The following CNTNAP3B variants were observed in gnomAD, a reference collection of about 807,000 sequenced individuals.
CNTNAP3B encodes the protein contactin associated protein family member 3B, also known as contactin-associated protein-like 3B.
Under a neutral mutation model 108.9 loss-of-function variants are expected in CNTNAP3B, and 25 were observed. The observed-to-expected ratio is 0.23, with a 90% confidence interval of 0.17 to 0.32. CNTNAP3B has a LOEUF of 0.32. Ranked by LOEUF, CNTNAP3B falls within the 10% of genes least tolerant of loss-of-function variation. CNTNAP3B has a pLI of 1.00. For synonymous variants in CNTNAP3B, 103 were observed against 473.4 expected (o/e 0.22, Z 10.16); for missense variants, 252 against 1,210.4 (o/e 0.21, Z 11.75).
In CNTNAP3B at chr9:42,129,132, C is replaced by G; in HGVS notation, c.-38G>C. 6.5e-7 allele frequency: 1 copy of G among 1,529,056 alleles called. No homozygotes were observed. The highest frequency in any genetic ancestry group is 1.6e-5 in the African/African-American group (1 of 63,866). 94.7% of individuals were successfully genotyped at this position (1,529,056 alleles called of 1,614,324 possible). A position where few individuals can be genotyped will look rare whatever the true frequency, so the allele number is the denominator to read the frequency against. ...CAGGCGCCCTGAGACCCGGGCACGGCGACGGCCGCTCTGCGTCGTTCCTGC... is the reference window on the plus strand; with the variant it reads ...CAGGCGCCCTGAGACCCGGGCACGGGGACGGCCGCTCTGCGTCGTTCCTGC... On this transcript the variant is annotated 5_prime_UTR_variant, in exon 1 of 24. Coordinates refer to ENST00000377561, the MANE Select transcript of CNTNAP3B (RefSeq NM_001201380.3).
At chr9:42,038,605 T>A (rs1826682116) in intron 3 of CNTNAP3B, among the ~76,000 whole-genome samples, 2 of 119,876 alleles carry the variant, frequency 1.7e-5, no homozygotes, top group South Asian at 5.4e-4. Flanking sequence ...ATGCACCCAA[T>A]ACAGGAGCAC....
At chr9:42,030,711 C>A (rs1354350347) in intron 3 of CNTNAP3B, among the ~76,000 whole-genome samples, 1 of 92,822 alleles carries the variant, frequency 1.1e-5, no homozygotes, top group Non-Finnish European at 2.1e-5. Flanking sequence ...CCACCTGCAG[C>A]TGTCTCTCCT....
intron 3 of CNTNAP3B, among the ~76,000 whole-genome samples, chr9:42,058,085 ACAC>A (rs1409322903): frequency 3.5e-5 from 5 of 141,748 alleles, no homozygotes; most frequent in South Asian, 4.7e-4. Flanking sequence ...TTGTGTATGT[ACAC>A]CACATTTTCT....
At chr9:41,932,712 G>A (rs1484307662) in intron 14 of CNTNAP3B, among the ~76,000 whole-genome samples, 8 of 151,900 alleles carry the variant, frequency 5.3e-5, no homozygotes, top group Non-Finnish European at 1.2e-4. Flanking sequence ...TATAGACGGG[G>A]TTTCACCATG....
chr9:41,921,407 C>T (rs1823663826), intron 17 of CNTNAP3B, among the ~76,000 whole-genome samples: 2 of 151,776 alleles, frequency 1.3e-5, no homozygotes, highest in South Asian at 2.1e-4. Context: ...TGGTATAACA[C>T]CCCATCCACA....
At chr9:42,029,765 G>A (rs1305825731) in intron 3 of CNTNAP3B, among the ~76,000 whole-genome samples, 29 of 109,874 alleles carry the variant, frequency 2.6e-4, no homozygotes, top group Non-Finnish European at 4.0e-4. Flanking sequence ...TCCTGACCTC[G>A]TGATCTGCCC....
At chr9:41,931,668 A>T (rs929663301) in intron 14 of CNTNAP3B, among the ~76,000 whole-genome samples, 15 of 150,480 alleles carry the variant, frequency 1.0e-4, no homozygotes. Flanking sequence ...TAAAGGCATC[A>T]CCATTCAGCT....
Position 42,112,931 on chromosome 9 carries a change from A to G in CNTNAP3B, c.86-8192T>C, listed in dbSNP as rs1159995644. ...GTCGCCCAGGCTAAATTTTTTTTGTATTTTTAGTAGACACGGGGTTTCACC... is the reference window on the plus strand; with the variant it reads ...GTCGCCCAGGCTAAATTTTTTTTGTGTTTTTAGTAGACACGGGGTTTCACC... On this transcript the variant is annotated intron_variant, in intron 1 of 23. Transcript: ENST00000377561. Among the ~76,000 whole-genome samples, 2 of 66,556 alleles carry G rather than the reference A, an allele frequency of 3.0e-5. 1 individual carries two copies. The highest frequency in any genetic ancestry group is 6.0e-5 in the Non-Finnish European group (2 of 33,200). 43.7% of individuals were successfully genotyped at this position (66,556 alleles called of 152,430 possible). A position where few individuals can be genotyped will look rare whatever the true frequency, so the allele number is the denominator to read the frequency against.
chr9:41,990,809 C>T (rs1423924845), intron 8 of CNTNAP3B, among the ~76,000 whole-genome samples: 1 of 137,904 alleles, frequency 7.3e-6, no homozygotes, highest in Admixed American at 7.3e-5. Flanking sequence ...CATCTGACTG[C>T]ATGTGAGATT....
intron 12 of CNTNAP3B, chr9:41,960,016 T>TC (rs1825020621): frequency 7.9e-6 from 1 of 127,238 alleles, no homozygotes. Context: ...TTTTTTTTTT[T>TC]GAGATGCAGT....
At chr9:41,959,922 T>C (rs1239913616) in intron 12 of CNTNAP3B, 2 of 152,314 alleles carry the variant, frequency 1.3e-5, no homozygotes, top group African/African-American at 2.4e-5. Flanking sequence ...AACAAATTTC[T>C]GTAAAAATGT....
intron 3 of CNTNAP3B, among the ~76,000 whole-genome samples, chr9:42,056,096 G>T (rs1827061445): frequency 8.0e-6 from 1 of 125,754 alleles, no homozygotes; most frequent in African/African-American, 3.2e-5. Context: ...TTTAACCTGA[G>T]CATTATGCTG....
intron 10 of CNTNAP3B, among the ~76,000 whole-genome samples, chr9:41,968,137 C>A (rs1284315408): frequency 6.6e-6 from 1 of 152,074 alleles, no homozygotes; most frequent in Non-Finnish European, 1.5e-5. Flanking sequence ...AAGAGGCAGC[C>A]TCACAATATA....
intron 3 of CNTNAP3B, among the ~76,000 whole-genome samples, chr9:42,030,131 G>A (rs542043402): frequency 1.2e-5 from 1 of 86,458 alleles, no homozygotes; most frequent in Non-Finnish European, 2.2e-5. Flanking sequence ...GCGACAGAGC[G>A]AGACTCTGTC....
chr9:42,105,347 T>C (rs1327752255), intron 1 of CNTNAP3B, among the ~76,000 whole-genome samples: 33 of 111,488 alleles, frequency 3.0e-4, no homozygotes, highest in African/African-American at 1.2e-3. Context: ...CAGAGGGAAT[T>C]ACTGCGGGCT....
At chr9:41,955,315 GAGT>G (rs1301747701) in intron 12 of CNTNAP3B, among the ~76,000 whole-genome samples, 3 of 151,332 alleles carry the variant, frequency 2.0e-5, no homozygotes. Context: ...TTTTTCTGAA[GAGT>G]AGAATAGTAA....
chr9:42,016,920 T>C (rs891707287), intron 3 of CNTNAP3B, among the ~76,000 whole-genome samples: 2 of 151,712 alleles, frequency 1.3e-5, no homozygotes, highest in African/African-American at 4.9e-5. Flanking sequence ...AATTTGTGTG[T>C]GTGTGTGGTG....
chr9:42,079,684 G>C (rs913906882), intron 2 of CNTNAP3B, among the ~76,000 whole-genome samples: 1 of 136,920 alleles, frequency 7.3e-6, no homozygotes, highest in African/African-American at 2.9e-5. Flanking sequence ...ACCACGCCCA[G>C]CTAATTTTTG....
chr9:41,937,778 A>G (rs1415276241), intron 14 of CNTNAP3B, among the ~76,000 whole-genome samples: 1 of 152,092 alleles, frequency 6.6e-6, no homozygotes, highest in Non-Finnish European at 1.5e-5. Flanking sequence ...CTTCTAAAAA[A>G]TAAACACAGT....
Sources: gnomAD v4.1 joint callset for allele counts (sites outside exome capture counted in the v4.1 genomes callset) on GRCh38, gnomAD v4.1.1 for gene constraint, MANE v1.5 for transcripts, NCBI Gene and HGNC (gene_info 2026-07-23, HGNC 2026-07-21) for gene names.